FAM81A: variants seen among roughly 807,000 people sequenced by gnomAD.
FAM81A encodes family with sequence similarity 81 member A.
Under a neutral mutation model 46.7 loss-of-function variants are expected in FAM81A, and 19 were observed. The observed-to-expected ratio is 0.41, with a 90% CI of 0.28 to 0.60. The LOEUF (loss-of-function observed/expected upper bound fraction) is 0.60. Ranked by LOEUF, FAM81A falls within the 20% of genes least tolerant of loss-of-function variation. The pLI, the probability that FAM81A is intolerant of heterozygous loss-of-function variation, is 0.34. For synonymous variants in FAM81A, 183 were observed against 152.9 expected, an observed-to-expected ratio of 1.20 and a Z score of -1.45; for missense variants, 377 against 453.5, an observed-to-expected ratio of 0.83 and a Z score of 1.53.
intron 2 of FAM81A, among the ~76,000 whole-genome samples, chr15:59,422,222 A>G (rs2081177227): frequency 6.6e-6 from 1 of 151,992 alleles, no homozygotes; most frequent in Non-Finnish European, 1.5e-5. Context: ...CCCTGTCTCT[A>G]CACAAAATAA....
At chr15:59,486,515 A>C (rs1235710972) in intron 3 of FAM81A, among the ~76,000 whole-genome samples, 1 of 152,212 alleles carries the variant, frequency 6.6e-6, no homozygotes, top group African/African-American at 2.4e-5. Context: ...AAAAGATATC[A>C]AAATTCAAGT....
At chr15:59,411,167 C>A (rs1259873550) in intron 2 of FAM81A, among the ~76,000 whole-genome samples, 1 of 152,044 alleles carries the variant, frequency 6.6e-6, no homozygotes, top group African/African-American at 2.4e-5. Context: ...TGTGAATGAC[C>A]CCAAATATCA....
At chr15:59,433,947 C>A (rs1467443573), upstream of FAM81A, among the ~76,000 whole-genome samples, 1 of 152,158 alleles carries the variant, frequency 6.6e-6, no homozygotes, top group African/African-American at 2.4e-5. Flanking sequence ...CCTCTGCCTC[C>A]CAGGTTTGAA....
At chr15:59,498,852 G>A (rs1167600904) in intron 4 of FAM81A, among the ~76,000 whole-genome samples, 2 of 152,014 alleles carry the variant, frequency 1.3e-5, no homozygotes, top group South Asian at 2.1e-4. Context: ...ATGGGGATTC[G>A]CCATATTGGC....
At chr15:59,488,030 T>C (rs1164555001) in intron 3 of FAM81A, among the ~76,000 whole-genome samples, 1 of 152,110 alleles carries the variant, frequency 6.6e-6, no homozygotes, top group Non-Finnish European at 1.5e-5. Flanking sequence ...AACAAAATAC[T>C]GGGAAACTGA....
rs148275022 is a variant in FAM81A, at chr15:59,504,980, T to A, written c.414-2233T>A. 1.9e-3 allele frequency among the ~76,000 whole-genome samples: 295 copies of A among 152,316 alleles called. 2 individuals are homozygous for A. Among genetic ancestry groups the A allele is most frequent in the African/African-American group, 6.4e-3 (267 of 41,576 alleles). ...GTCATTGAACATCTTAAAATTCATG[T>A]CTTTCTTCAATTTTAGAAAATTGTT... is the stretch of plus-strand genomic sequence containing the variant. On this transcript the variant is annotated intron_variant, in intron 4 of 8. Coordinates refer to ENST00000288228, the MANE Select transcript of FAM81A (RefSeq NM_152450.3).
intron 2 of FAM81A, among the ~76,000 whole-genome samples, chr15:59,420,598 C>T (rs2141551356): frequency 6.6e-6 from 1 of 152,254 alleles, no homozygotes; most frequent in South Asian, 2.1e-4. Context: ...CACATTTCTT[C>T]CCAGTGCTTT....
At chr15:59,459,254 C>A (rs2081520823) in intron 2 of FAM81A, among the ~76,000 whole-genome samples, 1 of 152,218 alleles carries the variant, frequency 6.6e-6, no homozygotes, top group South Asian at 2.1e-4. Flanking sequence ...CCCACCTCAG[C>A]CACCCAAAGT....
intron 3 of FAM81A, among the ~76,000 whole-genome samples, chr15:59,468,242 T>G (rs2081640234): frequency 6.6e-6 from 1 of 152,214 alleles, no homozygotes; most frequent in Non-Finnish European, 1.5e-5. Context: ...TAGGGAGGAT[T>G]CCCTCTTTTT....
chr15:59,432,906 T>TG (rs1376294464), intron 2 of FAM81A, among the ~76,000 whole-genome samples: 1 of 150,080 alleles, frequency 6.7e-6, no homozygotes, highest in Non-Finnish European at 1.5e-5. Flanking sequence ...GAGGCTGAGG[T>TG]GGGCAGATCA....
intron 3 of FAM81A, among the ~76,000 whole-genome samples, chr15:59,488,374 C>T (rs1479826919): frequency 1.3e-5 from 2 of 152,076 alleles, no homozygotes; most frequent in East Asian, 3.9e-4. Context: ...AAAGGATGCC[C>T]ACTTTTACTG....
intron 1 of FAM81A, among the ~76,000 whole-genome samples, chr15:59,441,108 C>T (rs1299017249): frequency 2.0e-5 from 3 of 152,228 alleles, no homozygotes; most frequent in African/African-American, 7.2e-5. Context: ...GTCCCTTCCC[C>T]AAGGTTAATC....
intron 4 of FAM81A, among the ~76,000 whole-genome samples, chr15:59,498,458 G>A (rs1357248998): frequency 3.9e-5 from 6 of 152,154 alleles, no homozygotes; most frequent in African/African-American, 1.4e-4. Context: ...TACAGATCAT[G>A]CCATCTGCAA....
chr15:59,486,528 A>T (rs1038691646), intron 3 of FAM81A, among the ~76,000 whole-genome samples: 2 of 152,214 alleles, frequency 1.3e-5, no homozygotes, highest in Admixed American at 1.3e-4. Flanking sequence ...ATTCAAGTAC[A>T]AGAAATCAAA....
intron 3 of FAM81A, among the ~76,000 whole-genome samples, chr15:59,472,415 A>G (rs1433451231): frequency 1.3e-5 from 2 of 152,224 alleles, no homozygotes; most frequent in Non-Finnish European, 2.9e-5. Flanking sequence ...GGAAATGGCC[A>G]TAGTACCTTC....
At chr15:59,402,558 C>T (rs1028204331) in intron 2 of FAM81A, among the ~76,000 whole-genome samples, 5 of 152,048 alleles carry the variant, frequency 3.3e-5, no homozygotes, top group Admixed American at 6.6e-5. Context: ...ATTTTTATTT[C>T]GAGACAGCGT....
At chr15:59,402,469 T>A (rs886834113) in intron 2 of FAM81A, 3 of 152,208 alleles carry the variant, frequency 2.0e-5, no homozygotes, top group African/African-American at 4.8e-5. Flanking sequence ...TACAGACTAG[T>A]GGCTCACAGG....
intron 2 of FAM81A, among the ~76,000 whole-genome samples, chr15:59,420,622 T>A (rs2141551414): frequency 6.6e-6 from 1 of 152,312 alleles, no homozygotes; most frequent in Admixed American, 6.5e-5. Flanking sequence ...AGATTTATTG[T>A]ATAATCCCAA....
At chr15:59,483,763 C>T (rs1409620666) in intron 3 of FAM81A, among the ~76,000 whole-genome samples, 1 of 152,154 alleles carries the variant, frequency 6.6e-6, no homozygotes, top group Non-Finnish European at 1.5e-5. Context: ...GTGCTACCTT[C>T]CTGAACAGTT....
Sources: gnomAD v4.1 joint callset for allele counts (sites outside exome capture counted in the v4.1 genomes callset) on GRCh38, gnomAD v4.1.1 for gene constraint, MANE v1.5 for transcripts, NCBI Gene and HGNC (gene_info 2026-07-23, HGNC 2026-07-21) for gene names.